The following LHFPL6 variants were observed in gnomAD, a reference collection of about 807,000 sequenced individuals.
LHFPL6 encodes LHFPL tetraspan subfamily member 6, also known as LHFPL tetraspan subfamily member 6 protein.
Under a neutral mutation model 20.6 loss-of-function variants are expected in LHFPL6, and 9 were observed. The observed-to-expected ratio is 0.44, with a 90% CI of 0.26 to 0.76. LHFPL6 has a LOEUF of 0.76. Ranked by LOEUF, LHFPL6 falls within the 30% of genes least tolerant of loss-of-function variation. LHFPL6 has a pLI of 0.20. For synonymous variants in LHFPL6, 105 were observed against 98.7 expected (o/e 1.06, Z -0.38); for missense variants, 218 against 253.5 (o/e 0.86, Z 0.95).
chr13:39,498,213 C>T (rs1204940024), intron 2 of LHFPL6, among the ~76,000 whole-genome samples: 1 of 152,224 alleles, frequency 6.6e-6, no homozygotes, highest in Non-Finnish European at 1.5e-5. Context: ...TCTAATTAAA[C>T]CTCCAGAGAA....
At chr13:39,459,429 A>G (rs117395706) in intron 2 of LHFPL6, among the ~76,000 whole-genome samples, 221 of 151,620 alleles carry the variant, frequency 1.5e-3, no homozygotes, top group Non-Finnish European at 2.8e-3. Context: ...CTGCAGGCTG[A>G]TCACTGTGCC....
At chr13:39,540,102 T>G (rs540863190) in intron 2 of LHFPL6, among the ~76,000 whole-genome samples, 1 of 152,124 alleles carries the variant, frequency 6.6e-6, no homozygotes, top group African/African-American at 2.4e-5. Flanking sequence ...AGATAGCCTA[T>G]AAATTCTTTG....
chr13:39,544,104 T>C (rs988081450), intron 2 of LHFPL6, among the ~76,000 whole-genome samples: 1 of 151,902 alleles, frequency 6.6e-6, no homozygotes, highest in Non-Finnish European at 1.5e-5. Context: ...TAGAAGAAAA[T>C]GAAGGAAAAT....
intron 2 of LHFPL6, among the ~76,000 whole-genome samples, chr13:39,436,587 C>T (rs995387916): frequency 1.3e-5 from 2 of 152,166 alleles, no homozygotes; most frequent in African/African-American, 2.4e-5. Context: ...AGTTTTTAAC[C>T]TTCTAGTTCC....
intron 2 of LHFPL6, among the ~76,000 whole-genome samples, chr13:39,389,031 C>T (rs1299007626): frequency 6.6e-6 from 1 of 152,160 alleles, no homozygotes; most frequent in Non-Finnish European, 1.5e-5. Context: ...AAAGCCAAGC[C>T]GTGCATAGAC....
At chr13:39,469,622 C>A (rs1370343798) in intron 2 of LHFPL6, among the ~76,000 whole-genome samples, 1 of 152,172 alleles carries the variant, frequency 6.6e-6, no homozygotes, top group East Asian at 1.9e-4. Flanking sequence ...TCATCAAGAG[C>A]ATACAGTAAA....
intron 2 of LHFPL6, among the ~76,000 whole-genome samples, chr13:39,487,821 G>GGA (rs1329770548): frequency 6.6e-6 from 1 of 152,204 alleles, no homozygotes; most frequent in East Asian, 1.9e-4. Flanking sequence ...CGAGATGGGT[G>GGA]GAGCACCTGA....
rs570622981 is a variant in LHFPL6, at chr13:39,353,570, A to C, written c.485-9516T>G. Among the ~76,000 whole-genome samples, 95 of 151,872 alleles carry C rather than the reference A, an allele frequency of 6.3e-4. 1 individual carries two copies. The highest frequency in any genetic ancestry group is 1.1e-3 in the Non-Finnish European group (75 of 67,948). On this transcript the variant is annotated intron_variant, in intron 3 of 3. Transcript: ENST00000379589. ...TGAAACCCAGTCTCTACTAAAAAAA[A>C]CCAAAAAATTAGCCAGGTGTGGTGT... is the stretch of plus-strand genomic sequence containing the variant.
intron 2 of LHFPL6, among the ~76,000 whole-genome samples, chr13:39,562,249 C>T (rs1187308493): frequency 1.3e-5 from 2 of 151,508 alleles, no homozygotes; most frequent in East Asian, 1.9e-4. Context: ...GAAAATGAAT[C>T]GAATCAGCTC....
chr13:39,343,699 TA>T lies in LHFPL6; in HGVS notation c.*236del. On this transcript the variant is annotated 3_prime_UTR_variant, in exon 4 of 4. Transcript: ENST00000379589. ...AATAGAAACACCCGATGCCCTGCAA[TA>T]TTTTTAGCCTTTGGTCCATTTTTCT... 1 of 452,706 alleles carries T rather than the reference TA, an allele frequency of 2.2e-6. No individual in the cohort carries two copies. The highest frequency in any genetic ancestry group is 4.0e-6 in the Non-Finnish European group (1 of 253,076). 28.0% of individuals were successfully genotyped at this position (452,706 alleles called of 1,614,324 possible).
At chr13:39,378,549 G>A in intron 2 of LHFPL6, 23 bp from the exon 3 acceptor site, 1 of 1,562,558 alleles carries the variant, frequency 6.4e-7, no homozygotes, top group Non-Finnish European at 8.8e-7. Flanking sequence ...AAGACAAGAG[G>A]GCTTTACCAG....
At chr13:39,400,655 C>T (rs1025775808) in intron 2 of LHFPL6, among the ~76,000 whole-genome samples, 12 of 148,900 alleles carry the variant, frequency 8.1e-5, no homozygotes, top group Admixed American at 2.0e-4. Flanking sequence ...TAGTGGCGGG[C>T]GCCTGTAGTC....
chr13:39,383,607 T>A (rs1870493331), intron 2 of LHFPL6, among the ~76,000 whole-genome samples: 1 of 152,216 alleles, frequency 6.6e-6, no homozygotes, highest in African/African-American at 2.4e-5. Context: ...ATGCTGGATT[T>A]GTCAGGTTCT....
At chr13:39,444,733 C>T (rs887957715) in intron 2 of LHFPL6, among the ~76,000 whole-genome samples, 3 of 152,208 alleles carry the variant, frequency 2.0e-5, no homozygotes, top group Non-Finnish European at 2.9e-5. Flanking sequence ...CCATGGCAGC[C>T]TCCATCTAGG....
chr13:39,574,675 G>A (rs17060285), intron 2 of LHFPL6, among the ~76,000 whole-genome samples: 50,804 of 151,988 alleles, frequency 0.33, 8,911 homozygotes, highest in African/African-American at 0.44. Flanking sequence ...ATGACATACT[G>A]AGATTTCTGC....
intron 2 of LHFPL6, among the ~76,000 whole-genome samples, chr13:39,391,365 C>T (rs1870704158): frequency 6.6e-6 from 1 of 152,140 alleles, no homozygotes; most frequent in Non-Finnish European, 1.5e-5. Flanking sequence ...TCCCCTTTGG[C>T]GTTGTGATCA....
At chr13:39,372,077 G>C (rs1046541065) in intron 3 of LHFPL6, among the ~76,000 whole-genome samples, 3 of 152,048 alleles carry the variant, frequency 2.0e-5, no homozygotes, top group Non-Finnish European at 4.4e-5. Context: ...TTGAGCTCCT[G>C]AGTCAGTCAA....
At chr13:39,492,368 A>G (rs1245542623) in intron 2 of LHFPL6, among the ~76,000 whole-genome samples, 2 of 152,200 alleles carry the variant, frequency 1.3e-5, no homozygotes, top group East Asian at 3.8e-4. Flanking sequence ...AGAGCATTAA[A>G]ATAGCCAAAA....
chr13:39,361,464 C>T (rs1021890046), intron 3 of LHFPL6, among the ~76,000 whole-genome samples: 4 of 152,076 alleles, frequency 2.6e-5, no homozygotes, highest in African/African-American at 9.7e-5. Context: ...ACTACAGGTG[C>T]ATGCCATGAC....
Sources: gnomAD v4.1 joint callset for allele counts (sites outside exome capture counted in the v4.1 genomes callset) on GRCh38, gnomAD v4.1.1 for gene constraint, MANE v1.5 for transcripts, NCBI Gene and HGNC (gene_info 2026-07-23, HGNC 2026-07-21) for gene names.